SCFD2: variants seen among roughly 807,000 people sequenced by gnomAD.
SCFD2 encodes sec1 family domain containing 2.
Under a neutral mutation model 58.9 loss-of-function variants are expected in SCFD2, and 54 were observed. The ratio of observed to expected loss-of-function variants is 0.92; its 90% CI spans 0.74 to 1.15. The LOEUF (loss-of-function observed/expected upper bound fraction) is 1.15, where lower values mean the gene tolerates loss of function less well. SCFD2 is among the 50% of genes most tolerant of loss of function. The pLI, the probability that SCFD2 is intolerant of heterozygous loss-of-function variation, is 0.00. For missense variants in SCFD2, 805 were observed against 836.6 expected (o/e 0.96, Z 0.47); for synonymous variants, 321 against 335.9 (o/e 0.96, Z 0.49).
chr4:53,236,673 T>C (rs1000020813), intron 4 of SCFD2, among the ~76,000 whole-genome samples: 1 of 150,556 alleles, frequency 6.6e-6, no homozygotes, highest in Non-Finnish European at 1.5e-5. Context: ...AAATGAGTTC[T>C]ATGCAAAACA....
At position 53,365,237 on chromosome 4, in the gene SCFD2, C is replaced by T. The variant is rs763968703; in HGVS notation, c.705G>A (p.Glu235=). The T allele has an allele frequency of 4.3e-5, 70 of 1,614,086 alleles. No homozygotes were observed. The highest frequency in any genetic ancestry group is 5.8e-5 in the Non-Finnish European group (68 of 1,180,046). ...GACTTAAGGAACCTACAGCAAAACA[C>T]TCCTCCCGTACTCCTAAATGTTCAC... ...SLCEHLGVRE[E]CFAVGSLSQV... Residue 235 remains glutamate (E), a synonymous_variant, in exon 1 of 9, where the codon GAG becomes GAA. Transcript: ENST00000401642. This position sits in a 1 kb window ranked among gnomAD's most constrained non-coding sequence, Gnocchi z 4.3.
chr4:52,886,496 G>C (rs1235712942), intron 7 of SCFD2, among the ~76,000 whole-genome samples: 3 of 152,246 alleles, frequency 2.0e-5, no homozygotes, highest in Non-Finnish European at 4.4e-5. Context: ...TGGGTGAGCT[G>C]GGGCATGCCT....
At chr4:53,167,483 C>A (rs1203508608) in intron 4 of SCFD2, among the ~76,000 whole-genome samples, 3 of 152,150 alleles carry the variant, frequency 2.0e-5, no homozygotes, top group Non-Finnish European at 4.4e-5. Flanking sequence ...GAATATTGAG[C>A]AGGAACATTG....
At chr4:53,242,785 T>C (rs1171368430) in intron 4 of SCFD2, among the ~76,000 whole-genome samples, 2 of 152,172 alleles carry the variant, frequency 1.3e-5, no homozygotes, top group Admixed American at 6.5e-5. Context: ...AAGAAGAATG[T>C]AGTCAATCTG....
intron 4 of SCFD2, among the ~76,000 whole-genome samples, chr4:53,173,413 G>A (rs1481229710): frequency 1.3e-5 from 2 of 151,982 alleles, no homozygotes; most frequent in African/African-American, 4.8e-5. Flanking sequence ...GCTGTTTTTT[G>A]ATTTCCATTT....
chr4:52,963,492 T>A (rs1320876616), intron 5 of SCFD2, among the ~76,000 whole-genome samples: 2 of 152,240 alleles, frequency 1.3e-5, no homozygotes, highest in African/African-American at 4.8e-5. Context: ...AGTACCAATG[T>A]CTGTAAAGAA....
At chr4:53,046,682 C>G (rs1279107016) in intron 5 of SCFD2, among the ~76,000 whole-genome samples, 1 of 151,704 alleles carries the variant, frequency 6.6e-6, no homozygotes, top group African/African-American at 2.4e-5. Flanking sequence ...TTGTTTTTTT[C>G]TTTGAGACAG....
intron 4 of SCFD2, among the ~76,000 whole-genome samples, chr4:53,190,410 C>G (rs1047597014): frequency 1.3e-5 from 2 of 152,164 alleles, no homozygotes; most frequent in African/African-American, 4.8e-5. Flanking sequence ...CACTTCTCAT[C>G]TCGGGACCTT....
intron 5 of SCFD2, among the ~76,000 whole-genome samples, chr4:52,988,129 G>T (rs1721539687): frequency 1.3e-5 from 2 of 152,230 alleles, no homozygotes; most frequent in African/African-American, 4.8e-5. Context: ...CCTTATGTGA[G>T]GGAGAGAGAA....
chr4:53,188,557 C>A (rs1489891685), intron 4 of SCFD2, among the ~76,000 whole-genome samples: 1 of 151,906 alleles, frequency 6.6e-6, no homozygotes, highest in African/African-American at 2.4e-5. Flanking sequence ...CCCATCCTCC[C>A]TACATGGCAA....
intron 5 of SCFD2, among the ~76,000 whole-genome samples, chr4:53,143,149 T>C (rs1404987952): frequency 3.3e-5 from 5 of 152,188 alleles, no homozygotes; most frequent in Admixed American, 3.3e-4. Context: ...AATGAAGTGC[T>C]GGGCCAATGA....
intron 5 of SCFD2, among the ~76,000 whole-genome samples, chr4:52,962,642 T>C (rs759788103): frequency 6.6e-6 from 1 of 151,978 alleles, no homozygotes. Context: ...AAAATGAGCA[T>C]TGTGTTAATG....
rs1269138132 is a variant in SCFD2 at position 53,365,191 on chromosome 4, C to T, written c.751G>A (p.Ala251Thr). ...CTGTTCTTTGCAGGGGCATAATTGG[C>T]CAGATCCGCAGCGATGACCTGACTT... ...SLSQVIAADL[A>T]NYAPAKNRKK... is the part of the protein sequence containing the mutation. Residue 251 changes from alanine (A) to threonine (T), a missense_variant, in exon 1 of 9, where the codon GCC becomes ACC. Coordinates refer to ENST00000401642, the MANE Select transcript of SCFD2 (RefSeq NM_152540.4). The surrounding 1 kb of genome is among the most constrained non-coding windows in gnomAD (Gnocchi z 4.3). The T allele has an allele frequency of 6.2e-7, 1 of 1,614,164 alleles. No homozygotes were observed. Among genetic ancestry groups the T allele is most frequent in the Non-Finnish European group, 8.5e-7 (1 of 1,180,026 alleles).
intron 5 of SCFD2, among the ~76,000 whole-genome samples, chr4:53,095,874 C>A (rs1724611162): frequency 6.6e-6 from 1 of 152,054 alleles, no homozygotes. Context: ...TCCCCCCATC[C>A]CGACCCCACA....
intron 3 of SCFD2, among the ~76,000 whole-genome samples, chr4:53,297,916 C>G (rs902895422): frequency 6.6e-6 from 1 of 152,052 alleles, no homozygotes; most frequent in Non-Finnish European, 1.5e-5. Context: ...ACTTATGAAG[C>G]CTTTTTGGCT....
intron 2 of SCFD2, among the ~76,000 whole-genome samples, chr4:53,331,551 G>C (rs1224583275): frequency 6.6e-6 from 1 of 152,150 alleles, no homozygotes. Context: ...AAACCAGCGA[G>C]AACAAAGACA....
intron 4 of SCFD2, among the ~76,000 whole-genome samples, chr4:53,226,389 T>C (rs1451422299): frequency 1.3e-5 from 2 of 152,126 alleles, no homozygotes; most frequent in Non-Finnish European, 2.9e-5. Flanking sequence ...ACATTATTGA[T>C]GTATAATTGA....
At chr4:52,985,021 T>C (rs1227401697) in intron 5 of SCFD2, among the ~76,000 whole-genome samples, 1 of 152,200 alleles carries the variant, frequency 6.6e-6, no homozygotes, top group African/African-American at 2.4e-5. Flanking sequence ...AGAAAAGCTA[T>C]GGGGAATTTT....
chr4:53,185,945 C>T (rs1727724619), intron 4 of SCFD2, among the ~76,000 whole-genome samples: 1 of 152,084 alleles, frequency 6.6e-6, no homozygotes, highest in African/African-American at 2.4e-5. Flanking sequence ...CAACTACTAA[C>T]ACAAAAAAAT....
Sources: gnomAD v4.1 joint callset for allele counts (sites outside exome capture counted in the v4.1 genomes callset) on GRCh38, gnomAD v4.1.1 for gene constraint, Gnocchi (gnomAD v3.1) non-coding constraint, MANE v1.5 for transcripts, NCBI Gene and HGNC (gene_info 2026-07-23, HGNC 2026-07-21) for gene names.